The following EYA2 variants were observed in gnomAD, a reference collection of about 807,000 sequenced individuals.
EYA2 encodes the protein protein phosphatase EYA2.
A neutral mutation model predicts 69.2 loss-of-function variants in EYA2; 31 were observed. The observed-to-expected ratio is 0.45, with a 90% CI of 0.34 to 0.60. EYA2 has a LOEUF of 0.60. Among genes scored for constraint, EYA2 ranks in the 20% least tolerant of loss-of-function variants. The pLI is 0.02. For synonymous variants in EYA2, 257 were observed against 279.4 expected (o/e 0.92, Z 0.80); for missense variants, 622 against 701.2 (o/e 0.89, Z 1.28).
chr20:46,918,164 A>G (rs1445701107), intron 1 of EYA2, among the ~76,000 whole-genome samples: 1 of 151,906 alleles, frequency 6.6e-6, no homozygotes, highest in Non-Finnish European at 1.5e-5. Flanking sequence ...ACTAAAAAAT[A>G]CAAAAAATTA....
intron 10 of EYA2, among the ~76,000 whole-genome samples, chr20:47,146,336 C>T (rs1311082403): frequency 2.6e-5 from 4 of 152,112 alleles, no homozygotes; most frequent in African/African-American, 7.2e-5. Flanking sequence ...GTTGAACCTG[C>T]GACTCAAAGC....
intron 1 of EYA2, among the ~76,000 whole-genome samples, chr20:46,961,511 C>G (rs1294435798): frequency 6.6e-6 from 1 of 152,126 alleles, no homozygotes; most frequent in Non-Finnish European, 1.5e-5. Context: ...CCAGCGATCC[C>G]ACTACTGGGT....
At chr20:47,130,065 G>C (rs1185626972) in intron 9 of EYA2, among the ~76,000 whole-genome samples, 2 of 151,154 alleles carry the variant, frequency 1.3e-5, no homozygotes, top group East Asian at 3.9e-4. Context: ...CTAGCATCAG[G>C]GTCTGAGTCA....
At chr20:46,948,035 TGA>T (rs1415396518) in intron 1 of EYA2, among the ~76,000 whole-genome samples, 1 of 149,488 alleles carries the variant, frequency 6.7e-6, no homozygotes, top group Non-Finnish European at 1.5e-5. Context: ...GAGGATCGCT[TGA>T]GCCCAGGAGG....
At position 46,957,808 on chromosome 20, in the gene EYA2, A is replaced by G. The variant is rs1182153543; in HGVS notation, c.-10-32193A>G. Among the ~76,000 whole-genome samples the G allele has an allele frequency of 2.0e-5, 3 of 152,174 alleles. No homozygotes were observed. In the South Asian group the frequency reaches 6.2e-4, roughly 32 times the overall value. The stretch of plus-strand genomic sequence containing the variant: ...AGAGGATAAATTTCTGTTGTAAGCC[A>G]CCAAGTTTGTGCTTCTTTCTTACAG... On this transcript the variant is annotated intron_variant, in intron 1 of 15. Transcript: ENST00000327619.
At chr20:46,932,956 T>A (rs1985736510) in intron 1 of EYA2, among the ~76,000 whole-genome samples, 2 of 152,176 alleles carry the variant, frequency 1.3e-5, no homozygotes, top group African/African-American at 2.4e-5. Context: ...CCTGCCACTG[T>A]GTAAGATGTG....
At chr20:47,005,533 A>T (rs1196669855) in intron 4 of EYA2, among the ~76,000 whole-genome samples, 4 of 152,230 alleles carry the variant, frequency 2.6e-5, no homozygotes. Context: ...AAGAGAGCTC[A>T]TCTTTCCCAG....
At chr20:47,054,449 G>A (rs747298910) in intron 5 of EYA2, among the ~76,000 whole-genome samples, 29 of 152,214 alleles carry the variant, frequency 1.9e-4, no homozygotes, top group Non-Finnish European at 4.1e-4. Flanking sequence ...CACTGATTCC[G>A]TTCAGCAGAT....
At chr20:46,983,447 T>C (rs1980968973) in intron 1 of EYA2, among the ~76,000 whole-genome samples, 1 of 152,188 alleles carries the variant, frequency 6.6e-6, no homozygotes, top group African/African-American at 2.4e-5. Flanking sequence ...AGTAATCCTT[T>C]AGGGTCCCAG....
intron 7 of EYA2, among the ~76,000 whole-genome samples, chr20:47,075,126 A>G (rs759229104): frequency 2.6e-5 from 4 of 152,254 alleles, no homozygotes; most frequent in Non-Finnish European, 4.4e-5. Context: ...AATTAAATAA[A>G]TAAATAAAAT....
chr20:46,980,015 A>G (rs1342185773), intron 1 of EYA2, among the ~76,000 whole-genome samples: 1 of 152,216 alleles, frequency 6.6e-6, no homozygotes, highest in African/African-American at 2.4e-5. Context: ...TGGAGCAGAT[A>G]ACACGTCTGG....
rs2146686940 is a variant in EYA2, at chr20:47,188,665, G to A, written c.*532G>A. ...TCTTTGAACATTAGAGAGGAAGGCA[G>A]TTCAAGCTGTTGAAAAGACTATTGC... On this transcript the variant is annotated 3_prime_UTR_variant, in exon 16 of 16. Coordinates refer to ENST00000327619, the MANE Select transcript of EYA2 (RefSeq NM_005244.5). 3.4e-6 allele frequency: 1 copy of A among 297,342 alleles called. No individual in the cohort carries two copies. Among genetic ancestry groups the A allele is most frequent in the East Asian group, 5.5e-5 (1 of 18,092 alleles). 18.4% of individuals were successfully genotyped at this position (297,342 alleles called of 1,614,324 possible).
rs560925405 is a variant in EYA2 at position 46,957,491 on chromosome 20, T to C, written c.-10-32510T>C. Among the ~76,000 whole-genome samples, 7 of 149,832 alleles carry C rather than the reference T, an allele frequency of 4.7e-5. No individual in the cohort carries two copies. In the East Asian group the frequency reaches 1.4e-3, roughly 30 times the overall value. ...TTATCCAGGTTGGCCCCAAATGAGA[T>C]CACAGTTGTTCTTATAGGAGAGAGG... On this transcript the variant is annotated intron_variant, in intron 1 of 15. Transcript: ENST00000327619.
intron 3 of EYA2, among the ~76,000 whole-genome samples, chr20:47,003,972 AC>A (rs1482159074): frequency 1.3e-5 from 2 of 152,210 alleles, no homozygotes; most frequent in African/African-American, 4.8e-5. Context: ...TAATGTACAT[AC>A]CAGGTGCATG....
chr20:47,173,999 G>A (rs1385766082), intron 12 of EYA2, among the ~76,000 whole-genome samples: 3 of 152,210 alleles, frequency 2.0e-5, no homozygotes, highest in East Asian at 1.9e-4. Flanking sequence ...CACTGAAGGC[G>A]AGGCTGGCTC....
chr20:47,056,312 C>A (rs1463681052), intron 5 of EYA2, among the ~76,000 whole-genome samples: 2 of 151,958 alleles, frequency 1.3e-5, no homozygotes, highest in Non-Finnish European at 2.9e-5. Flanking sequence ...AACATGGGTA[C>A]CCCAGGAGGC....
At chr20:47,157,843 C>T (rs2033986701) in intron 10 of EYA2, among the ~76,000 whole-genome samples, 2 of 151,964 alleles carry the variant, frequency 1.3e-5, no homozygotes, top group African/African-American at 4.8e-5. Context: ...AGAGTTCCAA[C>T]AAAACTTCAA....
intron 1 of EYA2, among the ~76,000 whole-genome samples, chr20:46,965,318 C>A (rs1979706826): frequency 6.6e-6 from 1 of 152,246 alleles, no homozygotes; most frequent in East Asian, 1.9e-4. Context: ...TTTAAACAGT[C>A]AAGTTAGGTT....
chr20:46,908,061 C>T (rs748841774), intron 1 of EYA2, among the ~76,000 whole-genome samples: 3 of 152,164 alleles, frequency 2.0e-5, no homozygotes, highest in Non-Finnish European at 4.4e-5. Context: ...TCCACTGTGC[C>T]TCCCGCTTCC....
Sources: allele counts gnomAD v4.1 joint callset (sites outside exome capture counted in the v4.1 genomes callset), GRCh38; gene constraint gnomAD v4.1.1; transcripts MANE v1.5; gene names NCBI Gene and HGNC (gene_info 2026-07-23, HGNC 2026-07-21).